The following ALDH1L1 variants were observed in gnomAD, a reference collection of about 807,000 sequenced individuals.
ALDH1L1 encodes cytosolic 10-formyltetrahydrofolate dehydrogenase.
Under a neutral mutation model 101.1 loss-of-function variants are expected in ALDH1L1, and 68 were observed. The observed-to-expected ratio is 0.67, with a 90% CI of 0.55 to 0.82. The LOEUF is 0.82. Ranked by LOEUF, ALDH1L1 falls within the 40% of genes least tolerant of loss-of-function variation. The pLI is 0.00. For synonymous variants in ALDH1L1, 486 were observed against 470.8 expected (o/e 1.03, Z -0.42); for missense variants, 1,087 against 1,172.7 (o/e 0.93, Z 1.07).
chr3:126,158,554 T>G lies in ALDH1L1; in HGVS notation c.213A>C (p.Ala71=). 1 of 1,614,242 alleles carries G rather than the reference T, an allele frequency of 6.2e-7. No homozygotes were observed. Among genetic ancestry groups the G allele is most frequent in the Non-Finnish European group, 8.5e-7 (1 of 1,180,040 alleles). Residue 71 remains alanine (A), a synonymous_variant, in exon 3 of 23, where the codon GCA becomes GCC. Transcript: ENST00000393434. ...AKGQALPDVV[A]KYQALGAELN... ...GCTCGGCCCCCAAAGCCTGGTATTT[T>G]GCCACCACATCAGGCAAAGCCTGTC...
chr3:126,134,039 T>A (rs546752622), intron 12 of ALDH1L1, among the ~76,000 whole-genome samples: 1 of 152,298 alleles, frequency 6.6e-6, no homozygotes. Flanking sequence ...AATTGTGTAA[T>A]GTCTGATTCC....
chr3:126,117,868 G>A (rs1323008167), intron 17 of ALDH1L1, 137 bp downstream of exon 17: 2 of 855,504 alleles, frequency 2.3e-6, no homozygotes, highest in Non-Finnish European at 3.7e-6. Flanking sequence ...TTCAGCGTTT[G>A]CATAGAGCCC....
intron 1 of ALDH1L1, among the ~76,000 whole-genome samples, chr3:126,166,117 C>T (rs1669509890): frequency 6.6e-6 from 1 of 152,144 alleles, no homozygotes; most frequent in African/African-American, 2.4e-5. Flanking sequence ...GCAATAGGTT[C>T]CCCATATTCA....
intron 1 of ALDH1L1, among the ~76,000 whole-genome samples, chr3:126,161,308 T>C (rs2081045532): frequency 6.6e-6 from 1 of 152,266 alleles, no homozygotes; most frequent in Admixed American, 6.5e-5. Context: ...ATGTTGGGTG[T>C]CAAGATGTTT....
intron 8 of ALDH1L1, among the ~76,000 whole-genome samples, chr3:126,147,973 G>A (rs2080730901): frequency 6.6e-6 from 1 of 152,066 alleles, no homozygotes; most frequent in African/African-American, 2.4e-5. Context: ...TTTAAGTCCT[G>A]GGCATCCTTA....
At chr3:126,130,423 A>C in intron 13 of ALDH1L1, 130 bp from the exon 14 acceptor site, 1 of 719,346 alleles carries the variant, frequency 1.4e-6, no homozygotes, top group Non-Finnish European at 2.0e-6. Flanking sequence ...CTGAGGCTTG[A>C]GAGACAGGCA....
chr3:126,191,092 A>G (rs1000136323), intron 1 of ALDH1L1, among the ~76,000 whole-genome samples: 1 of 152,234 alleles, frequency 6.6e-6, no homozygotes, highest in Non-Finnish European at 1.5e-5. Context: ...TTCATAAAGC[A>G]GCATGCTAGA....
intron 16 of ALDH1L1, among the ~76,000 whole-genome samples, chr3:126,121,931 T>C (rs1317043442): frequency 1.3e-5 from 2 of 152,176 alleles, no homozygotes; most frequent in Non-Finnish European, 2.9e-5. Flanking sequence ...GCTAAGATGC[T>C]GGGGCCCTTT....
At chr3:126,153,388 A>G (rs764172764) in intron 7 of ALDH1L1, 56 bp downstream of exon 7, 4 of 1,607,218 alleles carry the variant, frequency 2.5e-6, no homozygotes, top group African/African-American at 2.7e-5. Context: ...CCTGAGTCCA[A>G]GGACAGGAGC....
At chr3:126,180,844 A>G, upstream of ALDH1L1, 1 of 1,550,312 alleles carries the variant, frequency 6.5e-7, no homozygotes, top group Non-Finnish European at 8.7e-7. Context: ...AGTCCCAAGC[A>G]CCCAGCAGGG....
intron 1 of ALDH1L1, among the ~76,000 whole-genome samples, chr3:126,168,330 A>T (rs893579311): frequency 1.3e-5 from 2 of 152,146 alleles, no homozygotes; most frequent in African/African-American, 4.8e-5. Flanking sequence ...TATAATGGGC[A>T]TATAAAAATC....
chr3:126,111,440 C>A (rs904097512), intron 19 of ALDH1L1, among the ~76,000 whole-genome samples: 3 of 152,244 alleles, frequency 2.0e-5, no homozygotes, highest in African/African-American at 7.2e-5. Context: ...AGTCTCACTG[C>A]AGATGTTTGG....
At chr3:126,120,719 G>A (rs911995766) in intron 16 of ALDH1L1, among the ~76,000 whole-genome samples, 2 of 152,138 alleles carry the variant, frequency 1.3e-5, no homozygotes, top group African/African-American at 4.8e-5. Context: ...TAGGGACTCT[G>A]TACTTTCTGC....
At chr3:126,141,811 T>C (rs6438979) in intron 9 of ALDH1L1, among the ~76,000 whole-genome samples, 25,033 of 150,882 alleles carry the variant, frequency 0.17, 2,094 homozygotes, top group East Asian at 0.22. Flanking sequence ...TAAAAAGCAA[T>C]CTAAACCCAA....
At position 126,118,094 on chromosome 3, in the gene ALDH1L1, G is replaced by C; in HGVS notation, c.1893C>G (p.Ser631=). 1.9e-6 allele frequency: 3 copies of C among 1,613,378 alleles called. No individual in the cohort carries two copies. In the South Asian group the frequency reaches 3.3e-5, roughly 18 times the overall value. Residue 631 remains serine (S), a synonymous_variant, in exon 17 of 23, where the codon TCC becomes TCG. Coordinates refer to ENST00000393434, the MANE Select transcript of ALDH1L1 (RefSeq NM_012190.4). ...GVVNVLPGSG[S]LVGQRLSDHP... The stretch of plus-strand genomic sequence containing the variant: ...GGTCTGAGAGTCTCTGGCCGACCAG[G>C]GAGCCTGTGGGCGGGAGGGAGGGGG...
intron 19 of ALDH1L1, chr3:126,110,428 G>A (rs188667776): frequency 3.5e-4 from 123 of 354,894 alleles, no homozygotes; most frequent in African/African-American, 2.2e-3. Flanking sequence ...AATACAACAC[G>A]TATCTGACTC....
chr3:126,139,346 C>T (rs577002373), intron 9 of ALDH1L1, among the ~76,000 whole-genome samples: 2 of 152,198 alleles, frequency 1.3e-5, no homozygotes, highest in African/African-American at 2.4e-5. Context: ...AGGAACACAC[C>T]TTGCAAAAAA....
intron 1 of ALDH1L1, among the ~76,000 whole-genome samples, chr3:126,163,502 T>C (rs2081104569): frequency 1.3e-5 from 2 of 152,218 alleles, no homozygotes; most frequent in South Asian, 4.1e-4. Flanking sequence ...GTAGTTCCTG[T>C]CTCATTCCTG....
intron 8 of ALDH1L1, 132 bp from the exon 9 acceptor site, chr3:126,147,058 T>A: frequency 1.3e-6 from 1 of 792,884 alleles, no homozygotes; most frequent in Non-Finnish European, 2.0e-6. Context: ...ACCTCCAAGT[T>A]GTTGCCTCAT....
Sources: allele counts gnomAD v4.1 joint callset (sites outside exome capture counted in the v4.1 genomes callset), GRCh38; gene constraint gnomAD v4.1.1; transcripts MANE v1.5; gene names NCBI Gene and HGNC (gene_info 2026-07-23, HGNC 2026-07-21).